Variants in SCN7A observed in about 807,000 individuals in gnomAD.
The protein encoded by SCN7A is sodium channel protein type 7 subunit alpha.
SCN7A carries 138 observed loss-of-function variants against 155.2 expected under a neutral mutation model. That is an observed-to-expected ratio of 0.89 (90% confidence interval 0.77 to 1.02). SCN7A has a LOEUF of 1.02. SCN7A is among the 50% of genes least tolerant of loss of function. The pLI, the probability that SCN7A is intolerant of heterozygous loss-of-function variation, is 0.00. For synonymous variants in SCN7A, 693 were observed against 649.0 expected (o/e 1.07, Z -1.03); for missense variants, 2,058 against 1,986.6 (o/e 1.04, Z -0.68).
At chr2:166,417,083 T>TAA (rs922450190) in intron 20 of SCN7A, 98 bp from the exon 21 acceptor site, 2 of 906,856 alleles carry the variant, frequency 2.2e-6, no homozygotes, top group South Asian at 2.1e-5. Context: ...ATAACATATT[T>TAA]AAAAAAAAAC....
At chr2:166,478,500 C>A (rs1178306375) in intron 2 of SCN7A, among the ~76,000 whole-genome samples, 1 of 151,736 alleles carries the variant, frequency 6.6e-6, no homozygotes, top group Non-Finnish European at 1.5e-5. Context: ...CTTCCCCCAG[C>A]TGTCTATATA....
intron 1 of SCN7A, among the ~76,000 whole-genome samples, chr2:166,491,565 C>A (rs1197117972): frequency 6.6e-6 from 1 of 152,130 alleles, no homozygotes; most frequent in Non-Finnish European, 1.5e-5. Flanking sequence ...CAGATGAAAT[C>A]TTATCTTTAA....
At chr2:166,448,799 A>G (rs1702119555) in intron 11 of SCN7A, among the ~76,000 whole-genome samples, 1 of 152,210 alleles carries the variant, frequency 6.6e-6, no homozygotes, top group South Asian at 2.1e-4. Flanking sequence ...ACATAGTACT[A>G]AGTAATAACA....
At chr2:166,415,619 G>A (rs1033639699) in intron 21 of SCN7A, among the ~76,000 whole-genome samples, 6 of 152,008 alleles carry the variant, frequency 3.9e-5, no homozygotes, top group Non-Finnish European at 7.4e-5. Flanking sequence ...CATAAATTGC[G>A]AAGATTTCAT....
intron 7 of SCN7A, among the ~76,000 whole-genome samples, chr2:166,466,276 CT>C (rs1702532146): frequency 6.6e-6 from 1 of 152,012 alleles, no homozygotes; most frequent in African/African-American, 2.4e-5. Flanking sequence ...CTCTTGGTAT[CT>C]ACTTGTCATA....
intron 15 of SCN7A, among the ~76,000 whole-genome samples, chr2:166,434,648 A>G (rs1362697082): frequency 6.6e-6 from 1 of 152,190 alleles, no homozygotes; most frequent in Admixed American, 6.6e-5. Flanking sequence ...TAGGAGCCAC[A>G]CTATTAGCAA....
intron 21 of SCN7A, among the ~76,000 whole-genome samples, chr2:166,416,473 G>A (rs967046851): frequency 2.6e-5 from 4 of 152,048 alleles, no homozygotes; most frequent in South Asian, 4.1e-4. Context: ...TCCTATCTTT[G>A]TACTCTTTCT....
intron 15 of SCN7A, among the ~76,000 whole-genome samples, chr2:166,436,080 T>C (rs1300743378): frequency 1.3e-5 from 2 of 152,196 alleles, no homozygotes; most frequent in Non-Finnish European, 2.9e-5. Flanking sequence ...GCAAGTATTG[T>C]TATGTTCATT....
chr2:166,431,384 G>T (rs1317243761), intron 16 of SCN7A, among the ~76,000 whole-genome samples: 2 of 152,108 alleles, frequency 1.3e-5, no homozygotes, highest in African/African-American at 4.8e-5. Flanking sequence ...TGAAGTTATT[G>T]TAGAGAGCAT....
chr2:166,413,132 A>T lies in SCN7A; in HGVS notation c.3415-11T>A, dbSNP rs1352601402. ...TCCATTAAATGTTGCCTGTAAAAAT[A>T]AAATGCATTTAAAATTTATGCTTCC... is the stretch of plus-strand genomic sequence containing the variant. On this transcript the variant is annotated splice_polypyrimidine_tract_variant and intron_variant, in intron 21 of 25. Coordinates refer to ENST00000643258, the MANE Select transcript of SCN7A (RefSeq NM_002976.4). The T allele has an allele frequency of 2.4e-5, 35 of 1,472,156 alleles. No homozygotes were observed. The highest frequency in any genetic ancestry group is 3.1e-5 in the Non-Finnish European group (34 of 1,089,154). The allele number at this position is 1,472,156 out of a possible 1,614,324, so 91.2% of individuals were successfully genotyped here. A position where few individuals can be genotyped will look rare whatever the true frequency, so the allele number is the denominator to read the frequency against.
chr2:166,484,265 G>A (rs1256062629), intron 2 of SCN7A, among the ~76,000 whole-genome samples: 2 of 151,520 alleles, frequency 1.3e-5, no homozygotes, highest in African/African-American at 4.8e-5. Context: ...GTGGGTTTGA[G>A]GCACATCTGA....
intron 13 of SCN7A, among the ~76,000 whole-genome samples, chr2:166,443,983 C>T (rs1702011333): frequency 6.6e-6 from 1 of 152,102 alleles, no homozygotes; most frequent in Non-Finnish European, 1.5e-5. Flanking sequence ...TTTTGAGGTA[C>T]AGAGTACATG....
intron 7 of SCN7A, among the ~76,000 whole-genome samples, chr2:166,470,166 A>C (rs907450736): frequency 6.6e-6 from 1 of 151,888 alleles, no homozygotes; most frequent in East Asian, 1.9e-4. Flanking sequence ...ATTTTATGGC[A>C]TGTGAATTGC....
At chr2:166,463,178 T>C (rs1217968968) in intron 9 of SCN7A, among the ~76,000 whole-genome samples, 1 of 152,192 alleles carries the variant, frequency 6.6e-6, no homozygotes, top group African/African-American at 2.4e-5. Flanking sequence ...TTATAAGCAG[T>C]ATTTGCACAT....
At chr2:166,474,661 A>G (rs1049158636) in intron 3 of SCN7A, among the ~76,000 whole-genome samples, 11 of 151,670 alleles carry the variant, frequency 7.3e-5, no homozygotes, top group Non-Finnish European at 1.5e-4. Flanking sequence ...CAATATCCCA[A>G]TGGCTCACGA....
At chr2:166,422,711 G>T (rs1701536560) in intron 19 of SCN7A, among the ~76,000 whole-genome samples, 2 of 152,182 alleles carry the variant, frequency 1.3e-5, no homozygotes, top group Admixed American at 1.3e-4. Context: ...ATTTTACCCT[G>T]AATGAGATGG....
chr2:166,412,168 A>T (rs1701216179), intron 23 of SCN7A, among the ~76,000 whole-genome samples: 2 of 152,074 alleles, frequency 1.3e-5, no homozygotes, highest in Admixed American at 1.3e-4. Context: ...TGGAGGCTTT[A>T]AATATAACAG....
intron 7 of SCN7A, among the ~76,000 whole-genome samples, chr2:166,466,844 A>G (rs1702545298): frequency 6.6e-6 from 1 of 152,012 alleles, no homozygotes; most frequent in Non-Finnish European, 1.5e-5. Context: ...ATTTTTTTAC[A>G]TGGAAATAAT....
At chr2:166,429,020 G>C (rs1476913349) in intron 17 of SCN7A, 149 bp downstream of exon 17, 1 of 526,944 alleles carries the variant, frequency 1.9e-6, no homozygotes, top group African/African-American at 2.0e-5. Context: ...AAAACAAGTT[G>C]TAATGGTGAC....
Sources: gnomAD v4.1 joint callset for allele counts (sites outside exome capture counted in the v4.1 genomes callset) on GRCh38, gnomAD v4.1.1 for gene constraint, MANE v1.5 for transcripts, NCBI Gene and HGNC (gene_info 2026-07-23, HGNC 2026-07-21) for gene names.